Variants in PAAF1 observed in about 807,000 individuals in gnomAD.
PAAF1 encodes the protein proteasomal ATPase associated factor 1.
PAAF1 carries 46 observed loss-of-function variants against 52.8 expected under a neutral mutation model. The ratio of observed to expected loss-of-function variants is 0.87; its 90% CI spans 0.69 to 1.11. The LOEUF (loss-of-function observed/expected upper bound fraction) is 1.11. Ranked by LOEUF, PAAF1 falls within the 50% of genes most tolerant of loss-of-function variation. The pLI is 0.00. For synonymous variants in PAAF1, 178 were observed against 172.8 expected, an observed-to-expected ratio of 1.03 and a Z score of -0.24; for missense variants, 424 against 477.4, an observed-to-expected ratio of 0.89 and a Z score of 1.04.
rs1403062960 is a variant in PAAF1 at position 73,896,989 on chromosome 11, C to A, written c.283-2157C>A. Among the ~76,000 whole-genome samples, 25 of 136,122 alleles carry A rather than the reference C, an allele frequency of 1.8e-4. No individual in the cohort carries two copies. The South Asian group carries it at 6.0e-3, about 33-fold the overall frequency. The allele number at this position is 136,122 out of a possible 152,430, so 89.3% of individuals were successfully genotyped here. A position where few individuals can be genotyped will look rare whatever the true frequency, so the allele number is the denominator to read the frequency against. On this transcript the variant is annotated intron_variant, in intron 4 of 11. Coordinates refer to ENST00000310571, the MANE Select transcript of PAAF1 (RefSeq NM_025155.3). ...GGCCGGGCGGGGGGGCTGACCCCCC[C>A]ACCTCCCTCCTGGACGGGGCGGCTG...
At chr11:73,914,621 CGTGA>C (rs1950015109) in intron 8 of PAAF1, 117 bp downstream of exon 8, 1 of 732,140 alleles carries the variant, frequency 1.4e-6, no homozygotes, top group Non-Finnish European at 2.3e-6. Context: ...GAGAAGGCTG[CGTGA>C]GTAAGAGGCA....
At chr11:73,876,705 A>C (rs1948751576), upstream of PAAF1, 1 of 266,298 alleles carries the variant, frequency 3.8e-6, no homozygotes. Flanking sequence ...CGCTGATCGC[A>C]GCCCCGTTGT....
rs1176745088 is a variant in PAAF1 at position 73,896,279 on chromosome 11, CT to C, written c.283-2860del. Reference sequence around the variant, plus strand: ...CTTTTTTTTTTTTTTTACGATGTTTCTTTTTTTCTTTTTTTCTTTTTTATTT... The same window carrying C: ...CTTTTTTTTTTTTTTTACGATGTTTCTTTTTTCTTTTTTTCTTTTTTATTT... On this transcript the variant is annotated intron_variant, in intron 4 of 11. Coordinates refer to ENST00000310571, the MANE Select transcript of PAAF1 (RefSeq NM_025155.3). Among the ~76,000 whole-genome samples the C allele has an allele frequency of 4.2e-3, 491 of 116,622 alleles. 3 individuals are homozygous for C. The highest frequency in any genetic ancestry group is 0.015 in the African/African-American group (453 of 29,258). 76.5% of individuals were successfully genotyped at this position (116,622 alleles called of 152,430 possible).
At chr11:73,889,997 A>G (rs72982939) in intron 3 of PAAF1, among the ~76,000 whole-genome samples, 1 of 152,372 alleles carries the variant, frequency 6.6e-6, no homozygotes, top group Non-Finnish European at 1.5e-5. Context: ...CATTCTTTCT[A>G]ATGAACTGTG....
intron 2 of PAAF1, 64 bp from the exon 3 acceptor site, chr11:73,887,290 C>A: frequency 7.8e-7 from 1 of 1,278,842 alleles, no homozygotes; most frequent in Non-Finnish European, 1.1e-6. Context: ...TGAATTGGGT[C>A]TTCAAAGAGA....
In PAAF1 at chr11:73,930,950, T is replaced by G. The variant is rs1950450678; in HGVS notation, c.*3588T>G. 1 of 151,992 alleles carries G rather than the reference T, an allele frequency of 6.6e-6. No homozygotes were observed. The highest frequency in any genetic ancestry group is 2.4e-5 in the African/African-American group (1 of 41,380). 9.4% of individuals were successfully genotyped at this position (151,992 alleles called of 1,614,324 possible). A position where few individuals can be genotyped will look rare whatever the true frequency, so the allele number is the denominator to read the frequency against. ...TAGATTGCTAAGAGTAAATTTCAAATGTTCTCAACCCAAAAAATGTTAAGC... is the reference window on the plus strand; with the variant it reads ...TAGATTGCTAAGAGTAAATTTCAAAGGTTCTCAACCCAAAAAATGTTAAGC... On this transcript the variant is annotated 3_prime_UTR_variant, in exon 12 of 12. Coordinates refer to ENST00000310571, the MANE Select transcript of PAAF1 (RefSeq NM_025155.3).
rs969261245 is a variant in PAAF1, at chr11:73,928,173, GT to G, written c.*812del. The G allele has an allele frequency of 6.6e-5, 10 of 152,220 alleles. No individual in the cohort carries two copies. The highest frequency in any genetic ancestry group is 2.4e-4 in the African/African-American group (10 of 41,450). The allele number at this position is 152,220 out of a possible 1,614,324, so 9.4% of individuals were successfully genotyped here. ...ATTCTACGGGTGCAGCCAGCAGTCT[GT>G]ATTTTAACAAGCATTCCAGGTGATT... On this transcript the variant is annotated 3_prime_UTR_variant, in exon 12 of 12. Transcript: ENST00000310571.
intron 9 of PAAF1, 43 bp from the exon 10 acceptor site, chr11:73,918,907 T>G: frequency 6.7e-7 from 1 of 1,501,712 alleles, no homozygotes; most frequent in Non-Finnish European, 9.3e-7. Context: ...AAGTATTGCT[T>G]TTGAAGAAAG....
chr11:73,895,946 A>C (rs1405489052), intron 4 of PAAF1, among the ~76,000 whole-genome samples: 2 of 152,200 alleles, frequency 1.3e-5, no homozygotes, highest in East Asian at 1.9e-4. Flanking sequence ...ATCTCTCCAA[A>C]AAAAAGTTAA....
intron 10 of PAAF1, among the ~76,000 whole-genome samples, 195 bp from the exon 11 acceptor site, chr11:73,924,420 T>C (rs889871714): frequency 4.6e-5 from 7 of 152,068 alleles, no homozygotes; most frequent in Non-Finnish European, 8.8e-5. Context: ...TACTCTAGCC[T>C]GGGCAAAAAG....
chr11:73,906,004 T>G (rs1949743018), intron 6 of PAAF1, among the ~76,000 whole-genome samples: 1 of 152,230 alleles, frequency 6.6e-6, no homozygotes. Flanking sequence ...TACTTTCTAA[T>G]TAGATTTTTG....
intron 4 of PAAF1, among the ~76,000 whole-genome samples, chr11:73,897,930 C>G (rs867977142): frequency 6.6e-6 from 1 of 152,146 alleles, no homozygotes; most frequent in Admixed American, 6.5e-5. Context: ...TCTGCAATCC[C>G]GGCACCTCGG....
At chr11:73,920,969 G>A (rs183373688) in intron 10 of PAAF1, among the ~76,000 whole-genome samples, 130 of 151,992 alleles carry the variant, frequency 8.6e-4, no homozygotes, top group Middle Eastern at 6.8e-3. Flanking sequence ...GATATTTCTC[G>A]CCTCCTCTGT....
intron 3 of PAAF1, 89 bp downstream of exon 3, chr11:73,887,546 G>A: frequency 3.9e-6 from 3 of 765,170 alleles, no homozygotes; most frequent in Non-Finnish European, 6.0e-6. Context: ...TATTATCTGT[G>A]TATCTCCACT....
intron 11 of PAAF1, among the ~76,000 whole-genome samples, chr11:73,926,664 G>A (rs181323442): frequency 4.5e-4 from 69 of 152,264 alleles, no homozygotes; most frequent in African/African-American, 1.5e-3. Flanking sequence ...AGCCAAGATG[G>A]CGTCACTGCA....
intron 4 of PAAF1, among the ~76,000 whole-genome samples, chr11:73,898,293 C>G (rs571021799): frequency 6.6e-6 from 1 of 152,134 alleles, no homozygotes; most frequent in African/African-American, 2.4e-5. Flanking sequence ...TTGAATCCTC[C>G]TGGTGCATCT....
Position 73,914,404 on chromosome 11 carries a change from G to A in PAAF1, c.728-9G>A. On this transcript the variant is annotated splice_polypyrimidine_tract_variant and intron_variant, in intron 7 of 11. Transcript: ENST00000310571. Reference sequence around the variant, plus strand: ...TCACTGTTATTAACATAGTTTATTTGTCATGCAGGTGAACGGGAGGTTGGA... The same window carrying A: ...TCACTGTTATTAACATAGTTTATTTATCATGCAGGTGAACGGGAGGTTGGA... 1 of 1,613,544 alleles carries A rather than the reference G, an allele frequency of 6.2e-7. No individual in the cohort carries two copies. The highest frequency in any genetic ancestry group is 1.1e-5 in the South Asian group (1 of 91,068).
In PAAF1 at chr11:73,900,284, A is replaced by G; in HGVS notation, c.396A>G (p.Gly132=). ...TGTTTTTCCAGAGAGTATTGGAAGG[A>G]CATGTGTTTGATGTGAATTGTTGCA... is the stretch of plus-strand genomic sequence containing the variant. ...SNGELRRVLE[G]HVFDVNCCRF... Residue 132 remains glycine (G), a synonymous_variant, in exon 6 of 12, where the codon GGA becomes GGG. Transcript: ENST00000310571. 1 of 1,608,272 alleles carries G rather than the reference A, an allele frequency of 6.2e-7. No individual in the cohort carries two copies. The highest frequency in any genetic ancestry group is 8.5e-7 in the Non-Finnish European group (1 of 1,176,532).
intron 11 of PAAF1, among the ~76,000 whole-genome samples, chr11:73,925,683 T>C (rs1307418286): frequency 6.6e-6 from 1 of 152,192 alleles, no homozygotes; most frequent in African/African-American, 2.4e-5. Flanking sequence ...GGAATATTTA[T>C]TGACCAGACA....
Sources: allele counts gnomAD v4.1 joint callset (sites outside exome capture counted in the v4.1 genomes callset), GRCh38; gene constraint gnomAD v4.1.1; transcripts MANE v1.5; gene names NCBI Gene and HGNC (gene_info 2026-07-23, HGNC 2026-07-21).